Variants in AGPAT4 observed in about 807,000 individuals in gnomAD.
AGPAT4 encodes the protein 1-acylglycerol-3-phosphate O-acyltransferase 4.
AGPAT4 carries 15 observed loss-of-function variants against 48.0 expected under a neutral mutation model. The ratio of observed to expected loss-of-function variants is 0.31; its 90% CI spans 0.21 to 0.48. The LOEUF is 0.48. Ranked by LOEUF, AGPAT4 falls within the 20% of genes least tolerant of loss-of-function variation. The pLI is 0.99. For missense variants in AGPAT4, 314 were observed against 482.5 expected (o/e 0.65, Z 3.27); for synonymous variants, 178 against 198.7 (o/e 0.90, Z 0.88).
rs1039076289 is a variant in AGPAT4, at chr6:161,158,686, T to G, written c.349-4376A>C. Reference sequence around the variant, plus strand: ...GCAGAGAGGGCCTGAGACCCAGTACTCTGACCCTGACCTTCAGAAGCTCTA... The same window carrying G: ...GCAGAGAGGGCCTGAGACCCAGTACGCTGACCCTGACCTTCAGAAGCTCTA... On this transcript the variant is annotated intron_variant, in intron 3 of 8. Coordinates refer to ENST00000320285, the MANE Select transcript of AGPAT4 (RefSeq NM_020133.3). The surrounding 1 kb of genome is among the most constrained non-coding windows in gnomAD (Gnocchi z 5.3). Among the ~76,000 whole-genome samples, 1 of 152,186 alleles carries G rather than the reference T, an allele frequency of 6.6e-6. No homozygotes were observed. The highest frequency in any genetic ancestry group is 1.5e-5 in the Non-Finnish European group (1 of 68,026).
intron 1 of AGPAT4, among the ~76,000 whole-genome samples, chr6:161,257,660 G>T (rs913061248): frequency 1.3e-5 from 2 of 151,798 alleles, no homozygotes; most frequent in Non-Finnish European, 2.9e-5. Context: ...ATGATCAAAG[G>T]GTTCTTGAAA....
rs1204475676 is a variant in AGPAT4, at chr6:161,243,740, C to A, written c.-89-11438G>T. ...CCCTTGACCCCTTCTCCCTGGCCCC[C>A]AACCATCACCAGCTTTTCTTACTCA... On this transcript the variant is annotated intron_variant, in intron 1 of 8. Transcript: ENST00000320285. The surrounding 1 kb of genome is among the most constrained non-coding windows in gnomAD (Gnocchi z 4.8). Among the ~76,000 whole-genome samples, 1 of 152,198 alleles carries A rather than the reference C, an allele frequency of 6.6e-6. No homozygotes were observed. Among genetic ancestry groups the A allele is most frequent in the East Asian group, 1.9e-4 (1 of 5,178 alleles).
In AGPAT4 at chr6:161,197,304, G is replaced by C. The variant is rs1485642821; in HGVS notation, c.179-30887C>G. On this transcript the variant is annotated intron_variant, in intron 2 of 8. Coordinates refer to ENST00000320285, the MANE Select transcript of AGPAT4 (RefSeq NM_020133.3). The surrounding 1 kb of genome is among the most constrained non-coding windows in gnomAD (Gnocchi z 5.7). ...CACTGCTAGGGACATTAAAGAACTA[G>C]CGTTCCATAAAACAGTTTGGGAAAT... Among the ~76,000 whole-genome samples the C allele has an allele frequency of 1.3e-5, 2 of 152,164 alleles. No homozygotes were observed. The highest frequency in any genetic ancestry group is 4.8e-5 in the African/African-American group (2 of 41,440).
At chr6:161,185,950 G>A (rs1008920891) in intron 2 of AGPAT4, among the ~76,000 whole-genome samples, 1 of 152,156 alleles carries the variant, frequency 6.6e-6, no homozygotes, top group African/African-American at 2.4e-5. Flanking sequence ...TATTTGAAGC[G>A]ATTAAAAGGT....
chr6:161,165,939 A>G lies in AGPAT4; in HGVS notation c.348+309T>C, dbSNP rs1780083699. 1.0e-5 allele frequency: 6 copies of G among 602,182 alleles called. No individual in the cohort carries two copies. In the East Asian group the frequency reaches 1.4e-4, roughly 14 times the overall value. 37.3% of individuals were successfully genotyped at this position (602,182 alleles called of 1,614,324 possible). ...GACTCTGAGCCGAATATTAAGCTCTATATAACTTAGTTTTTAAAAAATGGA... is the reference window on the plus strand; with the variant it reads ...GACTCTGAGCCGAATATTAAGCTCTGTATAACTTAGTTTTTAAAAAATGGA... On this transcript the variant is annotated intron_variant, in intron 3 of 8. Coordinates refer to ENST00000320285, the MANE Select transcript of AGPAT4 (RefSeq NM_020133.3). The surrounding 1 kb of genome is among the most constrained non-coding windows in gnomAD (Gnocchi z 5.5).
chr6:161,154,029 A>C lies in AGPAT4; in HGVS notation c.510+120T>G. On this transcript the variant is annotated intron_variant, in intron 4 of 8. Transcript: ENST00000320285. This position sits in a 1 kb window ranked among gnomAD's most constrained non-coding sequence, Gnocchi z 7.8. ...AGGTTATACACAGCCCTATGGTCAC[A>C]CACAGCCCTGGAGTCGCACAGGACC... 1 of 1,356,108 alleles carries C rather than the reference A, an allele frequency of 7.4e-7. No individual in the cohort carries two copies. The highest frequency in any genetic ancestry group is 1.2e-5 in the South Asian group (1 of 82,124). The allele number at this position is 1,356,108 out of a possible 1,614,324, so 84.0% of individuals were successfully genotyped here.
Position 161,206,065 on chromosome 6 carries a change from C to T in AGPAT4, c.178+25971G>A, listed in dbSNP as rs1439509671. 3.3e-5 allele frequency among the ~76,000 whole-genome samples: 5 copies of T among 151,822 alleles called. No homozygotes were observed. The East Asian group carries it at 7.7e-4, about 23-fold the overall frequency. ...ACTCGTATGTTTTTTCAAGCCCGTG[C>T]GATGTAGACAAAAAAAGCCCCAAGA... On this transcript the variant is annotated intron_variant, in intron 2 of 8. Coordinates refer to ENST00000320285, the MANE Select transcript of AGPAT4 (RefSeq NM_020133.3). The surrounding 1 kb of genome is among the most constrained non-coding windows in gnomAD (Gnocchi z 4.8).
intron 2 of AGPAT4, among the ~76,000 whole-genome samples, chr6:161,228,571 C>T (rs936886069): frequency 5.9e-4 from 75 of 126,656 alleles, no homozygotes; most frequent in African/African-American, 2.4e-3. Flanking sequence ...TTCCCACCCC[C>T]TGCCTTTTTT....
chr6:161,269,975 G>A (rs1010866333), intron 1 of AGPAT4, among the ~76,000 whole-genome samples: 3 of 152,170 alleles, frequency 2.0e-5, no homozygotes, highest in Admixed American at 2.0e-4. Context: ...AAATCTTTGT[G>A]GAGCAAGAGT....
intron 2 of AGPAT4, among the ~76,000 whole-genome samples, chr6:161,192,083 T>C (rs1220967345): frequency 6.6e-6 from 1 of 150,556 alleles, no homozygotes; most frequent in Non-Finnish European, 1.5e-5. Context: ...TTCTTCTCTC[T>C]TCCTTCTCGC....
Position 161,154,379 on chromosome 6 carries a change from G to A in AGPAT4, c.349-69C>T, listed in dbSNP as rs1043606632. The A allele has an allele frequency of 3.2e-6, 5 of 1,580,802 alleles. No homozygotes were observed. Among genetic ancestry groups the A allele is most frequent in the South Asian group, 2.2e-5 (2 of 89,202 alleles). The stretch of plus-strand genomic sequence containing the variant: ...AGAGCCACCTGCCGGGGCTGTTGGA[G>A]ACTGAAGTAGAAAAAGAGGAGGGGA... On this transcript the variant is annotated intron_variant, in intron 3 of 8. Coordinates refer to ENST00000320285, the MANE Select transcript of AGPAT4 (RefSeq NM_020133.3). The surrounding 1 kb of genome is among the most constrained non-coding windows in gnomAD (Gnocchi z 7.8).
In AGPAT4 at chr6:161,172,068, T is replaced by A. The variant is rs73786017; in HGVS notation, c.179-5651A>T. ...ACCAAGGCTTTAACTTCATAAGAAT[T>A]GGAGCCATTTGGTAGTTAATTGAAA... On this transcript the variant is annotated intron_variant, in intron 2 of 8. Coordinates refer to ENST00000320285, the MANE Select transcript of AGPAT4 (RefSeq NM_020133.3). Among the ~76,000 whole-genome samples, 459 of 152,218 alleles carry A rather than the reference T, an allele frequency of 3.0e-3. 2 individuals carry two copies. The highest frequency in any genetic ancestry group is 0.01 in the African/African-American group (434 of 41,528).
Position 161,215,194 on chromosome 6 carries a change from C to T in AGPAT4, c.178+16842G>A, listed in dbSNP as rs566758257. Among the ~76,000 whole-genome samples the T allele has an allele frequency of 3.6e-4, 55 of 152,220 alleles. 1 individual carries two copies. Among genetic ancestry groups the T allele is most frequent in the South Asian group, 6.2e-4 (3 of 4,826 alleles). ...CAATTTGGCAAGCTACATTAATGAC[C>T]CTATTTAACTTATGATCCTACTCTT... On this transcript the variant is annotated intron_variant, in intron 2 of 8. Transcript: ENST00000320285. The surrounding 1 kb of genome is among the most constrained non-coding windows in gnomAD (Gnocchi z 4.5).
rs1296450843 is a variant in AGPAT4 at position 161,225,697 on chromosome 6, T to C, written c.178+6339A>G. On this transcript the variant is annotated intron_variant, in intron 2 of 8. Coordinates refer to ENST00000320285, the MANE Select transcript of AGPAT4 (RefSeq NM_020133.3). The surrounding 1 kb of genome is among the most constrained non-coding windows in gnomAD (Gnocchi z 5.0). ...TGTGACTCCAGGTGAAGTCAGGCAG[T>C]GTTTGCTTGTTTCAGCTGTGCAGCG... Among the ~76,000 whole-genome samples, 1 of 152,076 alleles carries C rather than the reference T, an allele frequency of 6.6e-6. No individual in the cohort carries two copies. Among genetic ancestry groups the C allele is most frequent in the African/African-American group, 2.4e-5 (1 of 41,404 alleles).
rs567754376 is a variant in AGPAT4 at position 161,170,721 on chromosome 6, G to C, written c.179-4304C>G. Reference sequence around the variant, plus strand: ...CAGCTCCACCTGGCAGCCCCTTCTTGTGCTGAAGAGCCCTACAGGAGCTGC... The same window carrying C: ...CAGCTCCACCTGGCAGCCCCTTCTTCTGCTGAAGAGCCCTACAGGAGCTGC... On this transcript the variant is annotated intron_variant, in intron 2 of 8. Transcript: ENST00000320285. Among the ~76,000 whole-genome samples, 54 of 152,274 alleles carry C rather than the reference G, an allele frequency of 3.5e-4. No individual in the cohort carries two copies. In the Middle Eastern group the frequency reaches 0.031, roughly 86 times the overall value.
intron 7 of AGPAT4, among the ~76,000 whole-genome samples, chr6:161,145,382 G>A (rs900587492): frequency 2.6e-5 from 4 of 151,616 alleles, no homozygotes; most frequent in Admixed American, 2.0e-4. Flanking sequence ...ATACCAGAGA[G>A]CAATGCCCAT....
Position 161,196,942 on chromosome 6 carries a change from A to T in AGPAT4, c.179-30525T>A, listed in dbSNP as rs1781086238. 6.6e-6 allele frequency among the ~76,000 whole-genome samples: 1 copy of T among 152,096 alleles called. No homozygotes were observed. Among genetic ancestry groups the T allele is most frequent in the East Asian group, 1.9e-4 (1 of 5,170 alleles). On this transcript the variant is annotated intron_variant, in intron 2 of 8. Coordinates refer to ENST00000320285, the MANE Select transcript of AGPAT4 (RefSeq NM_020133.3). This position sits in a 1 kb window ranked among gnomAD's most constrained non-coding sequence, Gnocchi z 4.3. ...ATTTGGGCACTTACTGGGTGCCCGGAACTGCTCCAGGCACTGGGGAAGTCA... is the reference window on the plus strand; with the variant it reads ...ATTTGGGCACTTACTGGGTGCCCGGTACTGCTCCAGGCACTGGGGAAGTCA...
intron 2 of AGPAT4, among the ~76,000 whole-genome samples, chr6:161,199,934 G>A (rs1781180097): frequency 6.6e-6 from 1 of 152,126 alleles, no homozygotes; most frequent in Non-Finnish European, 1.5e-5. Context: ...TGACATCAAT[G>A]CTGTGTAAGG....
chr6:161,170,637 C>A (rs1255173945), intron 2 of AGPAT4, among the ~76,000 whole-genome samples: 1 of 152,190 alleles, frequency 6.6e-6, no homozygotes, highest in Non-Finnish European at 1.5e-5. Context: ...TTCATTTCCT[C>A]TCCTGTGTGG....
Sources: allele counts gnomAD v4.1 joint callset (sites outside exome capture counted in the v4.1 genomes callset), GRCh38; gene constraint gnomAD v4.1.1; non-coding constraint Gnocchi (gnomAD v3.1); transcripts MANE v1.5; gene names NCBI Gene and HGNC (gene_info 2026-07-23, HGNC 2026-07-21).